The following FGF14 variants were observed in gnomAD, a reference collection of about 807,000 sequenced individuals.
The protein encoded by FGF14 is fibroblast growth factor 14.
In FGF14, 5 loss-of-function variants were observed where a neutral mutation model predicts 25.5. The observed-to-expected ratio is 0.20, with a 90% confidence interval of 0.10 to 0.41. The LOEUF is 0.41. Among genes scored for constraint, FGF14 ranks in the 10% least tolerant of loss-of-function variants. The pLI is 1.00. For synonymous variants in FGF14, 138 were observed against 118.3 expected, an observed-to-expected ratio of 1.17 and a Z score of -1.08; for missense variants, 222 against 320.1, an observed-to-expected ratio of 0.69 and a Z score of 2.34.
At chr13:102,049,516 T>C (rs16959675) in intron 1 of FGF14, among the ~76,000 whole-genome samples, 6,230 of 152,218 alleles carry the variant, frequency 0.041, 413 homozygotes, top group African/African-American at 0.14. Flanking sequence ...GTCCAAATCA[T>C]CATTAAATAA....
At chr13:102,164,845 A>G (rs1463722223) in intron 1 of FGF14, among the ~76,000 whole-genome samples, 1 of 152,204 alleles carries the variant, frequency 6.6e-6, no homozygotes, top group Non-Finnish European at 1.5e-5. Context: ...GAAAATATAA[A>G]GAACCAGAGA....
intron 1 of FGF14, among the ~76,000 whole-genome samples, chr13:101,997,452 T>C (rs1229669891): frequency 2.0e-5 from 3 of 152,202 alleles, no homozygotes; most frequent in African/African-American, 7.2e-5. Context: ...CTAAGACTCA[T>C]GGAGATAACT....
At chr13:101,762,701 T>C (rs1349946578) in intron 3 of FGF14, among the ~76,000 whole-genome samples, 1 of 152,200 alleles carries the variant, frequency 6.6e-6, no homozygotes, top group East Asian at 1.9e-4. Context: ...ATCAAAATAA[T>C]TGTAAGTTTG....
At chr13:102,383,820 G>A (rs970145780) in intron 1 of FGF14, among the ~76,000 whole-genome samples, 3 of 152,068 alleles carry the variant, frequency 2.0e-5, no homozygotes, top group East Asian at 1.9e-4. Context: ...GGGGCCAAGC[G>A]CACTCTCCTT....
At chr13:102,054,530 G>A (rs1386712524) in intron 1 of FGF14, among the ~76,000 whole-genome samples, 1 of 152,102 alleles carries the variant, frequency 6.6e-6, no homozygotes, top group African/African-American at 2.4e-5. Flanking sequence ...TTCTCAGTCT[G>A]TTCCCCATTG....
At chr13:101,963,631 T>C (rs1387319802) in intron 1 of FGF14, among the ~76,000 whole-genome samples, 8 of 152,228 alleles carry the variant, frequency 5.3e-5, no homozygotes, top group Non-Finnish European at 1.2e-4. Context: ...ATATCCATGA[T>C]ATGAATGCAT....
chr13:101,972,197 G>A (rs2037639773), intron 1 of FGF14, among the ~76,000 whole-genome samples: 1 of 152,222 alleles, frequency 6.6e-6, no homozygotes, highest in Admixed American at 6.5e-5. Context: ...GGCACTCTGT[G>A]CTTTAGTGAG....
intron 3 of FGF14, among the ~76,000 whole-genome samples, chr13:101,793,492 CGACTGATTCCAT>C (rs2140100851): frequency 6.6e-6 from 1 of 152,192 alleles, no homozygotes; most frequent in African/African-American, 2.4e-5. Flanking sequence ...ATGGACACTT[CGACTGATTCCAT>C]AAGTTGGCCA....
At position 101,842,992 on chromosome 13, in the gene FGF14, C is replaced by A. The variant is rs75115878; in HGVS notation, c.408+25733G>T. Among the ~76,000 whole-genome samples, 869 of 152,134 alleles carry A rather than the reference C, an allele frequency of 5.7e-3. 9 individuals carry two copies. Among genetic ancestry groups the A allele is most frequent in the African/African-American group, 0.019 (807 of 41,538 alleles). Reference sequence around the variant, plus strand: ...ACAAACGATCATCCTAACGACTGTTCGTCTATACGGAAACATACACACGAT... The same window carrying A: ...ACAAACGATCATCCTAACGACTGTTAGTCTATACGGAAACATACACACGAT... On this transcript the variant is annotated intron_variant, in intron 3 of 4. Coordinates refer to ENST00000376143, the MANE Select transcript of FGF14 (RefSeq NM_004115.4).
chr13:102,052,278 T>C (rs1195331719), intron 1 of FGF14, among the ~76,000 whole-genome samples: 2 of 151,966 alleles, frequency 1.3e-5, no homozygotes, highest in African/African-American at 4.8e-5. Flanking sequence ...AGAGCAAATG[T>C]TTGAGTCCTG....
At chr13:102,220,347 T>G (rs932690234) in intron 1 of FGF14, among the ~76,000 whole-genome samples, 1 of 152,084 alleles carries the variant, frequency 6.6e-6, no homozygotes, top group Admixed American at 6.6e-5. Context: ...AAGAAAAAAT[T>G]TCTAAATAAG....
intron 1 of FGF14, among the ~76,000 whole-genome samples, chr13:102,072,645 C>T (rs1009382740): frequency 2.6e-5 from 4 of 152,202 alleles, no homozygotes; most frequent in African/African-American, 9.7e-5. Context: ...AATCTTCCCA[C>T]AGCCAAGTTG....
intron 3 of FGF14, among the ~76,000 whole-genome samples, chr13:101,740,653 T>C (rs1167338482): frequency 2.6e-5 from 4 of 151,768 alleles, no homozygotes; most frequent in Non-Finnish European, 5.9e-5. Flanking sequence ...ATTGCAGTTT[T>C]GTATTCTTGG....
intron 1 of FGF14, among the ~76,000 whole-genome samples, chr13:102,207,687 G>T (rs2049992686): frequency 1.3e-5 from 2 of 149,560 alleles, no homozygotes; most frequent in Admixed American, 1.3e-4. Flanking sequence ...AAACATAATG[G>T]CCTAAAATGA....
Position 101,720,907 on chromosome 13 carries a change from G to C in FGF14, c.*1924C>G, listed in dbSNP as rs1221201950. The C allele has an allele frequency of 1.3e-5, 2 of 152,036 alleles. No individual in the cohort carries two copies. Among genetic ancestry groups the C allele is most frequent in the African/African-American group, 4.8e-5 (2 of 41,402 alleles). The allele number at this position is 152,036 out of a possible 1,614,324, so 9.4% of individuals were successfully genotyped here. A position where few individuals can be genotyped will look rare whatever the true frequency, so the allele number is the denominator to read the frequency against. The stretch of plus-strand genomic sequence containing the variant: ...AGAATCCAATATGAAAATGAAATAA[G>C]CATAAACAAACAGTTAAATTTCTAC... On this transcript the variant is annotated 3_prime_UTR_variant, in exon 5 of 5. Transcript: ENST00000376143.
chr13:102,302,182 T>C (rs941804432), intron 1 of FGF14, among the ~76,000 whole-genome samples: 6 of 152,212 alleles, frequency 3.9e-5, no homozygotes, highest in Admixed American at 1.3e-4. Flanking sequence ...ATCTAGCATA[T>C]TGAATTGTTT....
intron 1 of FGF14, among the ~76,000 whole-genome samples, chr13:102,169,080 A>C (rs78102742): frequency 0.035 from 5,240 of 151,532 alleles, 277 homozygotes; most frequent in African/African-American, 0.11. Context: ...CATTGATCCC[A>C]GATCCTACCT....
In FGF14 at chr13:101,863,009, C is replaced by T. The variant is rs187244816; in HGVS notation, c.408+5716G>A. Among the ~76,000 whole-genome samples, 1,013 of 152,052 alleles carry T rather than the reference C, an allele frequency of 6.7e-3. 9 individuals are homozygous for T. The highest frequency in any genetic ancestry group is 0.017 in the South Asian group (80 of 4,806). ...TATAATTTGAGGAGAATGCATAATTCCAATGAAACATACACATACATATGA... is the reference window on the plus strand; with the variant it reads ...TATAATTTGAGGAGAATGCATAATTTCAATGAAACATACACATACATATGA... On this transcript the variant is annotated intron_variant, in intron 3 of 4. Coordinates refer to ENST00000376143, the MANE Select transcript of FGF14 (RefSeq NM_004115.4).
chr13:102,256,781 C>T (rs78991470), intron 1 of FGF14, among the ~76,000 whole-genome samples: 1 of 151,976 alleles, frequency 6.6e-6, no homozygotes, highest in Non-Finnish European at 1.5e-5. Flanking sequence ...AATTAAGAGT[C>T]GATGCTGATA....
Sources: allele counts gnomAD v4.1 joint callset (sites outside exome capture counted in the v4.1 genomes callset), GRCh38; gene constraint gnomAD v4.1.1; transcripts MANE v1.5; gene names NCBI Gene and HGNC (gene_info 2026-07-23, HGNC 2026-07-21).